SLC4A10: variants seen among roughly 807,000 people sequenced by gnomAD.
The protein encoded by SLC4A10 is sodium-driven chloride bicarbonate exchanger.
A neutral mutation model predicts 137.7 loss-of-function variants in SLC4A10; 42 were observed. The ratio of observed to expected loss-of-function variants is 0.30; its 90% CI spans 0.24 to 0.39. The LOEUF (loss-of-function observed/expected upper bound fraction) is 0.39. SLC4A10 is among the 10% of genes least tolerant of loss of function. The probability of loss-of-function intolerance (pLI) is 1.00; values close to 1 mark genes in which losing one functional copy is unlikely to be tolerated. For synonymous variants in SLC4A10, 474 were observed against 464.1 expected, an observed-to-expected ratio of 1.02 and a Z score of -0.27; for missense variants, 925 against 1,355.0, an observed-to-expected ratio of 0.68 and a Z score of 4.98.
At chr2:161,976,720 T>G in intron 24 of SLC4A10, 40 bp from the exon 25 acceptor site, 1 of 1,038,930 alleles carries the variant, frequency 9.6e-7, no homozygotes, top group South Asian at 1.9e-5. Context: ...CAGTTACTTA[T>G]GTAATGTTTA....
chr2:161,968,596 A>G (rs1697995787), intron 23 of SLC4A10, among the ~76,000 whole-genome samples: 1 of 152,166 alleles, frequency 6.6e-6, no homozygotes, highest in African/African-American at 2.4e-5. Context: ...AAAATCTCAG[A>G]TGGGTTAATA....
At chr2:161,663,489 T>C (rs1171158597) in intron 1 of SLC4A10, among the ~76,000 whole-genome samples, 3 of 152,198 alleles carry the variant, frequency 2.0e-5, no homozygotes, top group African/African-American at 7.2e-5. Context: ...GGTATGATAT[T>C]GTGAATATTG....
chr2:161,847,288 C>A (rs908281263), intron 4 of SLC4A10, among the ~76,000 whole-genome samples: 1 of 148,756 alleles, frequency 6.7e-6, no homozygotes, highest in African/African-American at 2.5e-5. Flanking sequence ...CACACACATA[C>A]ACACACACAC....
intron 1 of SLC4A10, among the ~76,000 whole-genome samples, chr2:161,741,809 C>A (rs1023658664): frequency 6.6e-6 from 1 of 152,184 alleles, no homozygotes; most frequent in Non-Finnish European, 1.5e-5. Flanking sequence ...TTCATCATTT[C>A]TTTGTATTAC....
chr2:161,731,684 T>C (rs2125184816), intron 1 of SLC4A10, among the ~76,000 whole-genome samples: 1 of 152,310 alleles, frequency 6.6e-6, no homozygotes, highest in Non-Finnish European at 1.5e-5. Flanking sequence ...ATATGATGAA[T>C]GGAATGAATC....
chr2:161,836,581 AAAGAAAGAAAG>A (rs1459114686), intron 3 of SLC4A10, among the ~76,000 whole-genome samples: 1 of 121,156 alleles, frequency 8.3e-6, no homozygotes, highest in African/African-American at 3.1e-5. Flanking sequence ...AGAAAGAAAG[AAAGAAAGAAAG>A]AAAGAAAGGA....
At chr2:161,773,516 C>T (rs553721532) in intron 2 of SLC4A10, among the ~76,000 whole-genome samples, 5 of 151,686 alleles carry the variant, frequency 3.3e-5, no homozygotes, top group South Asian at 4.2e-4. Flanking sequence ...CAGATAAACG[C>T]GTTTAAAAAA....
chr2:161,908,409 G>A (rs1022825507), intron 15 of SLC4A10, among the ~76,000 whole-genome samples: 3 of 138,750 alleles, frequency 2.2e-5, no homozygotes, highest in African/African-American at 8.1e-5. Flanking sequence ...ACACAGGAAG[G>A]GGAACATCAC....
intron 1 of SLC4A10, among the ~76,000 whole-genome samples, chr2:161,668,900 A>C (rs2039386718): frequency 6.6e-6 from 1 of 151,884 alleles, no homozygotes; most frequent in Admixed American, 6.6e-5. Context: ...TTTCACTATG[A>C]ATGTTCTAAA....
At chr2:161,769,267 T>C (rs1282063392) in intron 1 of SLC4A10, among the ~76,000 whole-genome samples, 1 of 151,950 alleles carries the variant, frequency 6.6e-6, no homozygotes, top group East Asian at 1.9e-4. Context: ...CATTGTTACC[T>C]CAACACCCTT....
At chr2:161,944,784 A>G (rs1042086410) in intron 16 of SLC4A10, among the ~76,000 whole-genome samples, 10 of 151,894 alleles carry the variant, frequency 6.6e-5, no homozygotes, top group African/African-American at 2.4e-4. Flanking sequence ...TTAAGTCAAA[A>G]AAAGACCATT....
intron 1 of SLC4A10, among the ~76,000 whole-genome samples, chr2:161,757,308 C>T (rs2049764079): frequency 6.6e-6 from 1 of 152,114 alleles, no homozygotes; most frequent in African/African-American, 2.4e-5. Flanking sequence ...GACATTGTTT[C>T]ATCTTAATTG....
At chr2:161,666,429 G>A (rs993930725) in intron 1 of SLC4A10, among the ~76,000 whole-genome samples, 7 of 151,502 alleles carry the variant, frequency 4.6e-5, no homozygotes, top group Admixed American at 3.3e-4. Flanking sequence ...TCATTAAGGG[G>A]GAAAAAAATT....
At chr2:161,742,004 T>C (rs958088935) in intron 1 of SLC4A10, among the ~76,000 whole-genome samples, 5 of 152,224 alleles carry the variant, frequency 3.3e-5, no homozygotes, top group Admixed American at 3.3e-4. Flanking sequence ...CTGGTAGCTA[T>C]CATTCTCCTC....
At chr2:161,747,943 C>G (rs898693663) in intron 1 of SLC4A10, among the ~76,000 whole-genome samples, 1 of 152,110 alleles carries the variant, frequency 6.6e-6, no homozygotes, top group African/African-American at 2.4e-5. Flanking sequence ...TTTCTCCACA[C>G]CCTCACCAAC....
At chr2:161,784,194 G>T (rs1036217921) in intron 2 of SLC4A10, among the ~76,000 whole-genome samples, 4 of 151,850 alleles carry the variant, frequency 2.6e-5, no homozygotes, top group Admixed American at 2.6e-4. Context: ...TATAACAATT[G>T]TAAGTAGTTA....
At chr2:161,677,878 C>T (rs1400495193) in intron 1 of SLC4A10, among the ~76,000 whole-genome samples, 1 of 152,060 alleles carries the variant, frequency 6.6e-6, no homozygotes, top group Non-Finnish European at 1.5e-5. Context: ...TGATTCTTAC[C>T]TTGGCAGTAC....
intron 1 of SLC4A10, among the ~76,000 whole-genome samples, chr2:161,713,294 A>G (rs2044495831): frequency 6.6e-6 from 1 of 151,884 alleles, no homozygotes; most frequent in Non-Finnish European, 1.5e-5. Context: ...AAATAAAAAA[A>G]ACAAAAGAGC....
chr2:161,672,629 C>A (rs2039863077), intron 1 of SLC4A10, among the ~76,000 whole-genome samples: 1 of 152,006 alleles, frequency 6.6e-6, no homozygotes, highest in Non-Finnish European at 1.5e-5. Flanking sequence ...TTTCATGCAG[C>A]ATTACTTAGC....
Sources: allele counts gnomAD v4.1 joint callset (sites outside exome capture counted in the v4.1 genomes callset), GRCh38; gene constraint gnomAD v4.1.1; transcripts MANE v1.5; gene names NCBI Gene and HGNC (gene_info 2026-07-23, HGNC 2026-07-21).